Variants in ATF1 observed in about 807,000 individuals in gnomAD.
The protein encoded by ATF1 is activating transcription factor 1, also known as cyclic AMP-dependent transcription factor ATF-1.
ATF1 carries 16 observed loss-of-function variants against 34.7 expected under a neutral mutation model. The ratio of observed to expected loss-of-function variants is 0.46; its 90% CI spans 0.31 to 0.70. ATF1 has a LOEUF of 0.70. ATF1 is among the 30% of genes least tolerant of loss of function. The pLI is 0.05. For synonymous variants in ATF1, 105 were observed against 113.1 expected, an observed-to-expected ratio of 0.93 and a Z score of 0.46; for missense variants, 255 against 321.6, an observed-to-expected ratio of 0.79 and a Z score of 1.58.
At chr12:50,796,715 A>G (rs1193838952) in intron 3 of ATF1, among the ~76,000 whole-genome samples, 1 of 151,858 alleles carries the variant, frequency 6.6e-6, no homozygotes, top group Non-Finnish European at 1.5e-5. Flanking sequence ...AAAAAAAAAA[A>G]TGTAAATTTA....
intron 4 of ATF1, among the ~76,000 whole-genome samples, chr12:50,810,399 G>T (rs1941712150): frequency 6.6e-6 from 1 of 151,184 alleles, no homozygotes; most frequent in Non-Finnish European, 1.5e-5. Flanking sequence ...TGCATTTTTA[G>T]TAGAGACGGG....
At chr12:50,787,502 G>A (rs550591947) in intron 2 of ATF1, among the ~76,000 whole-genome samples, 3 of 152,198 alleles carry the variant, frequency 2.0e-5, no homozygotes, top group Admixed American at 1.3e-4. Context: ...GGAGGCCGAG[G>A]CAGACAGATT....
intron 4 of ATF1, among the ~76,000 whole-genome samples, chr12:50,813,800 C>T (rs987821010): frequency 6.8e-6 from 1 of 147,602 alleles, no homozygotes. Context: ...GGCGGTAGAG[C>T]GAGACTCCAT....
intron 6 of ATF1, among the ~76,000 whole-genome samples, chr12:50,818,761 C>T (rs1592207452): frequency 6.6e-6 from 1 of 152,106 alleles, no homozygotes; most frequent in East Asian, 1.9e-4. Context: ...AGGCATGTGC[C>T]ACCACAGCTA....
intron 1 of ATF1, among the ~76,000 whole-genome samples, chr12:50,774,893 G>A (rs1940875587): frequency 1.3e-5 from 2 of 151,266 alleles, no homozygotes; most frequent in South Asian, 2.1e-4. Context: ...GACTACAGGC[G>A]CCCGCCACCA....
intron 4 of ATF1, among the ~76,000 whole-genome samples, chr12:50,810,768 C>T (rs529223787): frequency 5.3e-5 from 8 of 152,212 alleles, no homozygotes; most frequent in African/African-American, 1.2e-4. Context: ...CACCTCTTGC[C>T]GTCTCCAACC....
At chr12:50,776,397 G>T (rs1304459139) in intron 1 of ATF1, among the ~76,000 whole-genome samples, 1 of 149,466 alleles carries the variant, frequency 6.7e-6, no homozygotes, top group Non-Finnish European at 1.5e-5. Flanking sequence ...GGAGGCTGAG[G>T]TGTGAAGATC....
Position 50,805,510 on chromosome 12 carries a change from A to T in ATF1, c.195-3946A>T, listed in dbSNP as rs1170327015. Reference sequence around the variant, plus strand: ...GAGATCAAGGCTGCAGTGAGCCGTGATTGTGCCACTTTACTCCAGCCTAGG... The same window carrying T: ...GAGATCAAGGCTGCAGTGAGCCGTGTTTGTGCCACTTTACTCCAGCCTAGG... On this transcript the variant is annotated intron_variant, in intron 3 of 6. Coordinates refer to ENST00000262053, the MANE Select transcript of ATF1 (RefSeq NM_005171.5). Among the ~76,000 whole-genome samples the T allele has an allele frequency of 3.7e-5, 5 of 134,454 alleles. No homozygotes were observed. The Admixed American group carries it at 4.1e-4, about 11-fold the overall frequency. 88.2% of individuals were successfully genotyped at this position (134,454 alleles called of 152,430 possible).
At chr12:50,807,170 G>A (rs1270427180) in intron 3 of ATF1, among the ~76,000 whole-genome samples, 1 of 152,124 alleles carries the variant, frequency 6.6e-6, no homozygotes, top group Non-Finnish European at 1.5e-5. Context: ...CACTTAAGGA[G>A]GCCTAGGTGG....
chr12:50,804,289 A>C (rs1244186828), intron 3 of ATF1, among the ~76,000 whole-genome samples: 2 of 152,208 alleles, frequency 1.3e-5, no homozygotes, highest in Admixed American at 1.3e-4. Flanking sequence ...AATAAGGAAA[A>C]TCTGCAGAGA....
intron 3 of ATF1, among the ~76,000 whole-genome samples, chr12:50,807,833 A>G (rs1941648921): frequency 7.1e-6 from 1 of 141,676 alleles, no homozygotes; most frequent in Non-Finnish European, 1.5e-5. Flanking sequence ...TTTTTTTGAG[A>G]GAGTCTCACT....
intron 2 of ATF1, among the ~76,000 whole-genome samples, chr12:50,782,510 C>T (rs1941088338): frequency 6.6e-6 from 1 of 150,714 alleles, no homozygotes; most frequent in South Asian, 2.1e-4. Context: ...CCGCCTCAGC[C>T]TTCCAAAGTG....
At chr12:50,778,811 G>A (rs1940990591) in intron 1 of ATF1, among the ~76,000 whole-genome samples, 1 of 152,120 alleles carries the variant, frequency 6.6e-6, no homozygotes, top group Non-Finnish European at 1.5e-5. Context: ...GAGCTCTTCA[G>A]CTCAGGCAGT....
intron 3 of ATF1, among the ~76,000 whole-genome samples, chr12:50,797,740 C>G (rs894800738): frequency 6.6e-6 from 1 of 152,012 alleles, no homozygotes; most frequent in Non-Finnish European, 1.5e-5. Flanking sequence ...CAAAGTGTTG[C>G]TATTACAGGC....
intron 4 of ATF1, among the ~76,000 whole-genome samples, chr12:50,810,197 A>T (rs1941705920): frequency 6.8e-6 from 1 of 146,070 alleles, no homozygotes; most frequent in Non-Finnish European, 1.5e-5. Flanking sequence ...TATTAGTATA[A>T]TTCCTTTCAG....
In ATF1 at chr12:50,780,962, A is replaced by T. The variant is rs539394721; in HGVS notation, c.93+724A>T. Among the ~76,000 whole-genome samples, 5 of 152,266 alleles carry T rather than the reference A, an allele frequency of 3.3e-5. No individual in the cohort carries two copies. In the South Asian group the frequency reaches 1.0e-3, roughly 32 times the overall value. On this transcript the variant is annotated intron_variant, in intron 2 of 6. Transcript: ENST00000262053. Reference sequence around the variant, plus strand: ...GCAATAGAACGAGACTCCATATCATAAAAATAAATAAATAAAAAATAAAAT... The same window carrying T: ...GCAATAGAACGAGACTCCATATCATTAAAATAAATAAATAAAAAATAAAAT...
intron 1 of ATF1, among the ~76,000 whole-genome samples, chr12:50,769,505 C>A (rs1382861648): frequency 5.3e-4 from 79 of 148,458 alleles, no homozygotes; most frequent in Admixed American, 1.5e-3. Context: ...GAGACTCCAT[C>A]TCAAAAAAAA....
In ATF1 at chr12:50,820,832, A is replaced by C. The variant is rs1048604387; in HGVS notation, c.*1053A>C. Reference sequence around the variant, plus strand: ...TATATTTTTATAGCTGATCTTTATAAATTCTAATGTTGAGTTTTTAATGAT... The same window carrying C: ...TATATTTTTATAGCTGATCTTTATACATTCTAATGTTGAGTTTTTAATGAT... On this transcript the variant is annotated 3_prime_UTR_variant, in exon 7 of 7. Transcript: ENST00000262053. 23 of 179,402 alleles carry C rather than the reference A, an allele frequency of 1.3e-4. No individual in the cohort carries two copies. Among genetic ancestry groups the C allele is most frequent in the Admixed American group, 6.3e-5 (1 of 15,866 alleles). The allele number at this position is 179,402 out of a possible 1,614,324, so 11.1% of individuals were successfully genotyped here.
chr12:50,773,523 C>CA (rs1471209295), intron 1 of ATF1, among the ~76,000 whole-genome samples: 2 of 139,770 alleles, frequency 1.4e-5, no homozygotes, highest in African/African-American at 5.3e-5. Context: ...AATCTTGGCT[C>CA]ACTACAACCT....
Sources: allele counts gnomAD v4.1 joint callset (sites outside exome capture counted in the v4.1 genomes callset), GRCh38; gene constraint gnomAD v4.1.1; transcripts MANE v1.5; gene names NCBI Gene and HGNC (gene_info 2026-07-23, HGNC 2026-07-21).